Variants in GDI2 observed in about 807,000 individuals in gnomAD.
GDI2 encodes rab GDP dissociation inhibitor beta.
A neutral mutation model predicts 54.2 loss-of-function variants in GDI2; 22 were observed. The observed-to-expected ratio is 0.41, with a 90% CI of 0.29 to 0.58. GDI2 has a LOEUF of 0.58. GDI2 is among the 20% of genes least tolerant of loss of function. The probability of loss-of-function intolerance (pLI) is 0.35; values close to 1 mark genes in which losing one functional copy is unlikely to be tolerated. For missense variants in GDI2, 422 were observed against 546.0 expected (o/e 0.77, Z 2.26); for synonymous variants, 177 against 182.1 (o/e 0.97, Z 0.23).
At chr10:5,781,991 C>A (rs1042351293) in intron 6 of GDI2, among the ~76,000 whole-genome samples, 2 of 151,936 alleles carry the variant, frequency 1.3e-5, no homozygotes, top group Admixed American at 1.3e-4. Flanking sequence ...CTAGCCTGGG[C>A]AACAGAGCAA....
rs1840585011 is a variant in GDI2 at position 5,774,918 on chromosome 10, G to A, written c.720-977C>T. On this transcript the variant is annotated intron_variant, in intron 6 of 10. Coordinates refer to ENST00000380191, the MANE Select transcript of GDI2 (RefSeq NM_001494.4). This position sits in a 1 kb window ranked among gnomAD's most constrained non-coding sequence, Gnocchi z 4.8. ...AGGGGAAGGGCAAGGGCAAGGGCAA[G>A]GCCAAGGGAAGGGTTGACCAGTAAT... Among the ~76,000 whole-genome samples, 1 of 152,316 alleles carries A rather than the reference G, an allele frequency of 6.6e-6. No individual in the cohort carries two copies. The highest frequency in any genetic ancestry group is 2.4e-5 in the African/African-American group (1 of 41,560).
chr10:5,791,285 CCT>C (rs1841006386), intron 4 of GDI2, among the ~76,000 whole-genome samples: 1 of 151,774 alleles, frequency 6.6e-6, no homozygotes, highest in Non-Finnish European at 1.5e-5. Context: ...AGAGTGAGAC[CCT>C]GTTTCAAAAA....
intron 1 of GDI2, among the ~76,000 whole-genome samples, chr10:5,805,042 CAGGCTG>C (rs1841346494): frequency 6.6e-6 from 1 of 152,028 alleles, no homozygotes; most frequent in Non-Finnish European, 1.5e-5. Context: ...CCATCTTGGA[CAGGCTG>C]GTCTCAAACT....
Position 5,785,975 on chromosome 10 carries a change from G to A in GDI2, c.464C>T (p.Pro155Leu). Residue 155 changes from proline (P) to leucine (L), a missense_variant, in exon 5 of 11, where the codon CCA (proline) becomes CTA (leucine). Coordinates refer to ENST00000380191, the MANE Select transcript of GDI2 (RefSeq NM_001494.4). ...AGGATCAATGCCTTCAAAAGTTCTT[G>A]GATCTTTTTCATCGAAGTTGGCAAC... ...VYVANFDEKD[P>L]RTFEGIDPKK... 1.9e-6 allele frequency: 3 copies of A among 1,612,716 alleles called. No individual in the cohort carries two copies. The highest frequency in any genetic ancestry group is 2.5e-6 in the Non-Finnish European group (3 of 1,178,858).
chr10:5,777,330 G>T (rs147988685), intron 6 of GDI2, among the ~76,000 whole-genome samples: 2 of 152,078 alleles, frequency 1.3e-5, no homozygotes, highest in African/African-American at 4.8e-5. Flanking sequence ...AAAATTAGCC[G>T]GGCATGATGG....
chr10:5,788,619 T>A (rs994575725), intron 4 of GDI2, among the ~76,000 whole-genome samples: 1 of 152,198 alleles, frequency 6.6e-6, no homozygotes, highest in Non-Finnish European at 1.5e-5. Context: ...AAAAATCTCA[T>A]GTTTTAAGAA....
chr10:5,783,926 C>T (rs1415863892), intron 6 of GDI2, among the ~76,000 whole-genome samples: 4 of 152,282 alleles, frequency 2.6e-5, no homozygotes, highest in South Asian at 2.1e-4. Flanking sequence ...AGGTGATGAT[C>T]TTTTTGTGAT....
intron 3 of GDI2, 55 bp from the exon 4 acceptor site, chr10:5,795,074 A>T (rs1463073725): frequency 8.9e-7 from 1 of 1,128,098 alleles, no homozygotes; most frequent in Non-Finnish European, 1.3e-6. Context: ...TATAAAGAAC[A>T]TTTACTAATA....
rs978226829 is a variant in GDI2, at chr10:5,813,434, T to C, written c.-176A>G. On this transcript the variant is annotated 5_prime_UTR_variant, in exon 1 of 11. Transcript: ENST00000380191. Reference sequence around the variant, plus strand: ...CCACCTCAGACGGGAAGAGAAGAACTGGGCGGGGAGAGGAGGGGAGGGAGC... The same window carrying C: ...CCACCTCAGACGGGAAGAGAAGAACCGGGCGGGGAGAGGAGGGGAGGGAGC... The C allele has an allele frequency of 3.2e-5, 6 of 189,724 alleles. No individual in the cohort carries two copies. Among genetic ancestry groups the C allele is most frequent in the South Asian group, 2.7e-4 (6 of 22,058 alleles). The allele number at this position is 189,724 out of a possible 1,614,324, so 11.8% of individuals were successfully genotyped here. A position where few individuals can be genotyped will look rare whatever the true frequency, so the allele number is the denominator to read the frequency against.
In GDI2 at chr10:5,768,367, C is replaced by T. The variant is rs377598562; in HGVS notation, c.837G>A (p.Gln279=). Residue 279 remains glutamine, a synonymous_variant, in exon 8 of 11, where the codon CAG becomes CAA. Coordinates refer to ENST00000380191, the MANE Select transcript of GDI2 (RefSeq NM_001494.4). The surrounding 1 kb of genome is among the most constrained non-coding windows in gnomAD (Gnocchi z 4.4). The part of the protein sequence containing the change: ...KSEGEIARCK[Q]LICDPSYVKD... Reference sequence around the variant, plus strand: ...TTACGTAGCTGGGGTCACAGATGAGCTGCTTACAGCGAGCAATCTATAACA... The same window carrying T: ...TTACGTAGCTGGGGTCACAGATGAGTTGCTTACAGCGAGCAATCTATAACA... The T allele has an allele frequency of 8.7e-6, 14 of 1,612,154 alleles. No homozygotes were observed. In the African/African-American group the frequency reaches 1.6e-4, roughly 18 times the overall value.
chr10:5,808,298 C>T (rs1040040501), intron 1 of GDI2, among the ~76,000 whole-genome samples: 3 of 152,170 alleles, frequency 2.0e-5, no homozygotes, highest in African/African-American at 7.2e-5. Flanking sequence ...GCACTCCAGC[C>T]TGGGTAAGAG....
chr10:5,811,171 C>T (rs1391497629), intron 1 of GDI2, among the ~76,000 whole-genome samples: 2 of 152,158 alleles, frequency 1.3e-5, no homozygotes, highest in Non-Finnish European at 2.9e-5. Flanking sequence ...ATCATCCTGT[C>T]ATCACTACTC....
intron 6 of GDI2, among the ~76,000 whole-genome samples, chr10:5,775,571 C>A (rs957798616): frequency 6.6e-6 from 1 of 152,082 alleles, no homozygotes; most frequent in African/African-American, 2.4e-5. Context: ...AAGAGGGAGC[C>A]TCAAAAGAAG....
intron 1 of GDI2, among the ~76,000 whole-genome samples, chr10:5,804,012 A>T (rs149984066): frequency 6.6e-6 from 1 of 152,250 alleles, no homozygotes; most frequent in East Asian, 1.9e-4. Context: ...TCCATAATAT[A>T]TCTATTCATT....
rs1175243771 is a variant in GDI2, at chr10:5,774,724, T to C, written c.720-783A>G. Among the ~76,000 whole-genome samples, 1 of 152,148 alleles carries C rather than the reference T, an allele frequency of 6.6e-6. No individual in the cohort carries two copies. Among genetic ancestry groups the C allele is most frequent in the Non-Finnish European group, 1.5e-5 (1 of 68,018 alleles). ...GGCTAAAGCCTAAAGCCATGCGATG[T>C]CTGGGTTTTACTCTGCTTCTTCAAC... is the stretch of plus-strand genomic sequence containing the variant. On this transcript the variant is annotated intron_variant, in intron 6 of 10. Transcript: ENST00000380191. This position sits in a 1 kb window ranked among gnomAD's most constrained non-coding sequence, Gnocchi z 4.8.
intron 4 of GDI2, among the ~76,000 whole-genome samples, chr10:5,786,296 G>A (rs534977266): frequency 1.3e-5 from 2 of 148,184 alleles, no homozygotes; most frequent in Non-Finnish European, 3.0e-5. Context: ...TCAGCCTCCC[G>A]AGTAGCTGGG....
chr10:5,794,286 C>G (rs953014032), intron 4 of GDI2, among the ~76,000 whole-genome samples: 5 of 128,282 alleles, frequency 3.9e-5, no homozygotes, highest in Non-Finnish European at 6.3e-5. Flanking sequence ...CTAACAAGAC[C>G]AATTAGAAGA....
intron 1 of GDI2, among the ~76,000 whole-genome samples, chr10:5,808,406 G>C (rs1240699869): frequency 3.9e-5 from 6 of 152,186 alleles, no homozygotes; most frequent in Non-Finnish European, 8.8e-5. Context: ...GGGTGCGGTG[G>C]CTCTCGCCTG....
rs768693301 is a variant in GDI2 at position 5,800,718 on chromosome 10, C to T, written c.46-13G>A. ...ACAGGATACATTCCTATAGAAAAAG[C>T]ATAGTACCTTGAAAAGAAAGTTCTA... On this transcript the variant is annotated splice_polypyrimidine_tract_variant and intron_variant, in intron 1 of 10. Transcript: ENST00000380191. The T allele has an allele frequency of 7.8e-7, 1 of 1,287,984 alleles. No homozygotes were observed. The highest frequency in any genetic ancestry group is 1.5e-5 in the African/African-American group (1 of 68,810). 79.8% of individuals were successfully genotyped at this position (1,287,984 alleles called of 1,614,324 possible). A position where few individuals can be genotyped will look rare whatever the true frequency, so the allele number is the denominator to read the frequency against.
Sources: gnomAD v4.1 joint callset for allele counts (sites outside exome capture counted in the v4.1 genomes callset) on GRCh38, gnomAD v4.1.1 for gene constraint, Gnocchi (gnomAD v3.1) non-coding constraint, MANE v1.5 for transcripts, NCBI Gene and HGNC (gene_info 2026-07-23, HGNC 2026-07-21) for gene names.